The following SH3BP5 variants were observed in gnomAD, a reference collection of about 807,000 sequenced individuals.
The protein encoded by SH3BP5 is SH3 domain-binding protein 5.
In SH3BP5, 22 loss-of-function variants were observed where a neutral mutation model predicts 43.3. That is an observed-to-expected ratio of 0.51 (90% CI 0.36 to 0.73). SH3BP5 has a LOEUF of 0.73. Among genes scored for constraint, SH3BP5 ranks in the 30% least tolerant of loss-of-function variants. The probability of loss-of-function intolerance (pLI) is 0.00; values close to 1 mark genes in which losing one functional copy is unlikely to be tolerated. For missense variants in SH3BP5, 529 were observed against 586.9 expected (o/e 0.90, Z 1.02); for synonymous variants, 255 against 225.8 (o/e 1.13, Z -1.16).
chr3:15,265,044 C>T (rs1696583143), intron 4 of SH3BP5, among the ~76,000 whole-genome samples: 1 of 151,856 alleles, frequency 6.6e-6, no homozygotes. Context: ...GGCCTCTAGG[C>T]TGCAAGCAGA....
intron 4 of SH3BP5, among the ~76,000 whole-genome samples, chr3:15,266,426 C>T (rs1696647821): frequency 6.6e-6 from 1 of 152,132 alleles, no homozygotes; most frequent in South Asian, 2.1e-4. Context: ...CCTCTCATTT[C>T]CAAGTCACAT....
chr3:15,321,794 G>A (rs1178789494), intron 2 of SH3BP5, among the ~76,000 whole-genome samples: 2 of 144,048 alleles, frequency 1.4e-5, no homozygotes, highest in Admixed American at 1.4e-4. Context: ...CCACCTGGAT[G>A]TCACAACATC....
intron 3 of SH3BP5, among the ~76,000 whole-genome samples, chr3:15,292,856 A>C (rs1172981039): frequency 1.3e-5 from 2 of 152,272 alleles, no homozygotes; most frequent in South Asian, 2.1e-4. Context: ...CTAAAAAGAA[A>C]AAAGAAAAGA....
rs564140919 is a variant in SH3BP5 at position 15,272,861 on chromosome 3, G to A, written c.331-2984C>T. 9.9e-5 allele frequency among the ~76,000 whole-genome samples: 15 copies of A among 152,242 alleles called. No individual in the cohort carries two copies. The East Asian group carries it at 2.3e-3, about 23-fold the overall frequency. ...TCACCATGTGGCCCTGGGACCAGTCGCCCACTTCCACTCAGGTGTGCCTCA... is the reference window on the plus strand; with the variant it reads ...TCACCATGTGGCCCTGGGACCAGTCACCCACTTCCACTCAGGTGTGCCTCA... On this transcript the variant is annotated intron_variant, in intron 3 of 8. Coordinates refer to ENST00000383791, the MANE Select transcript of SH3BP5 (RefSeq NM_004844.5).
At chr3:15,263,480 CTTTACATTTAAGCAATTAAAT>C (rs1353567752) in intron 4 of SH3BP5, among the ~76,000 whole-genome samples, 2 of 152,254 alleles carry the variant, frequency 1.3e-5, no homozygotes, top group African/African-American at 4.8e-5. Flanking sequence ...AAAGGGCAAA[CTTTACATTTAAGCAATTAAAT>C]TAAAACCCAG....
intron 3 of SH3BP5, among the ~76,000 whole-genome samples, chr3:15,294,347 G>C (rs983817778): frequency 6.7e-6 from 1 of 149,836 alleles, no homozygotes; most frequent in Non-Finnish European, 1.5e-5. Flanking sequence ...GCATGTTTAC[G>C]TAACTCCCCC....
At chr3:15,299,140 C>CT (rs1267654416) in intron 3 of SH3BP5, among the ~76,000 whole-genome samples, 1 of 152,232 alleles carries the variant, frequency 6.6e-6, no homozygotes, top group Non-Finnish European at 1.5e-5. Flanking sequence ...AAGATACACC[C>CT]TGCTTTTCAG....
intron 6 of SH3BP5, 30 bp downstream of exon 6, chr3:15,259,731 A>ATC: frequency 6.2e-7 from 1 of 1,611,394 alleles, no homozygotes. Context: ...GAAAAATCTC[A>ATC]TCAGTGACGA....
At chr3:15,287,691 GA>G (rs1697303118) in intron 3 of SH3BP5, among the ~76,000 whole-genome samples, 1 of 152,332 alleles carries the variant, frequency 6.6e-6, no homozygotes, top group South Asian at 2.1e-4. Flanking sequence ...AGTCTGGGAA[GA>G]AAGAAGTCAC....
chr3:15,269,914 T>C (rs1276861674), intron 3 of SH3BP5, 37 bp from the exon 4 acceptor site: 1 of 1,478,448 alleles, frequency 6.8e-7, no homozygotes, highest in Non-Finnish European at 9.0e-7. Flanking sequence ...CCTCAGAAAA[T>C]GGCAGGGGCT....
intron 6 of SH3BP5, 143 bp from the exon 7 acceptor site, chr3:15,259,193 TG>T: frequency 1.5e-6 from 1 of 664,144 alleles, no homozygotes; most frequent in South Asian, 1.9e-5. Flanking sequence ...TAATTACCAT[TG>T]TAACTGCTAT....
chr3:15,258,649 G>A, intron 7 of SH3BP5, 182 bp downstream of exon 7: 1 of 579,018 alleles, frequency 1.7e-6, no homozygotes, highest in South Asian at 2.3e-5. Context: ...TGACTTTGAG[G>A]AACACTTAGT....
intron 3 of SH3BP5, among the ~76,000 whole-genome samples, chr3:15,275,443 C>G (rs1312016730): frequency 6.6e-6 from 1 of 152,148 alleles, no homozygotes; most frequent in South Asian, 2.1e-4. Flanking sequence ...ACCTTCACAT[C>G]GTAATAAAGG....
intron 2 of SH3BP5, among the ~76,000 whole-genome samples, chr3:15,313,063 G>A (rs1698099009): frequency 6.6e-6 from 1 of 151,952 alleles, no homozygotes; most frequent in South Asian, 2.1e-4. Context: ...GGCCAACATG[G>A]TGAAACCCAG....
chr3:15,314,788 G>T (rs1242207741), intron 2 of SH3BP5, among the ~76,000 whole-genome samples: 1 of 152,212 alleles, frequency 6.6e-6, no homozygotes. Flanking sequence ...CAAGATCACT[G>T]CTGGAAACCA....
At chr3:15,332,198 C>T in intron 1 of SH3BP5, 73 bp downstream of exon 1, 1 of 1,540,698 alleles carries the variant, frequency 6.5e-7, no homozygotes, top group South Asian at 1.2e-5. Context: ...TGCGAAGTGG[C>T]TGTACGCGTA....
At chr3:15,272,796 TTC>T (rs1696854015) in intron 3 of SH3BP5, among the ~76,000 whole-genome samples, 1 of 152,182 alleles carries the variant, frequency 6.6e-6, no homozygotes, top group Non-Finnish European at 1.5e-5. Context: ...AGGCTAAACC[TTC>T]AACCAAAGTG....
chr3:15,332,628 G>T, upstream of SH3BP5: 1 of 1,177,068 alleles, frequency 8.5e-7, no homozygotes, highest in Middle Eastern at 3.4e-4. Flanking sequence ...GGCAGTCAGC[G>T]CAGCGCCCGC....
intron 2 of SH3BP5, among the ~76,000 whole-genome samples, chr3:15,316,597 A>G (rs193220057): frequency 5.9e-5 from 9 of 152,328 alleles, no homozygotes; most frequent in Non-Finnish European, 1.5e-5. Context: ...TTACAAAAAA[A>G]TGTTTAAAAT....
Sources: gnomAD v4.1 joint callset for allele counts (sites outside exome capture counted in the v4.1 genomes callset) on GRCh38, gnomAD v4.1.1 for gene constraint, MANE v1.5 for transcripts, NCBI Gene and HGNC (gene_info 2026-07-23, HGNC 2026-07-21) for gene names.